SCNN1D: variants seen among roughly 807,000 people sequenced by gnomAD.
The protein encoded by SCNN1D is epithelial sodium channel subunit delta.
A neutral mutation model predicts 87.8 loss-of-function variants in SCNN1D; 104 were observed. The observed-to-expected ratio is 1.18, with a 90% CI of 1.01 to 1.39. The LOEUF is 1.39. SCNN1D is among the 40% of genes most tolerant of loss of function. The pLI is 0.00. For missense variants in SCNN1D, 1,324 were observed against 1,093.9 expected (o/e 1.21, Z -2.97); for synonymous variants, 628 against 481.2 (o/e 1.31, Z -3.99).
Position 1,284,044 on chromosome 1 carries a change from T to A in SCNN1D, c.418T>A (p.Trp140Arg). 7.5e-7 allele frequency: 1 copy of A among 1,335,216 alleles called. No individual in the cohort carries two copies. Among genetic ancestry groups the A allele is most frequent in the Non-Finnish European group, 9.5e-7 (1 of 1,048,482 alleles). 82.7% of individuals were successfully genotyped at this position (1,335,216 alleles called of 1,614,324 possible). A position where few individuals can be genotyped will look rare whatever the true frequency, so the allele number is the denominator to read the frequency against. Residue 140 changes from tryptophan to arginine, a missense_variant, in exon 5 of 18, where the codon TGG (tryptophan) becomes AGG (arginine). Coordinates refer to ENST00000379116, the MANE Select transcript of SCNN1D (RefSeq NM_001130413.4). ...LPPQWLSTEA[W>R]TGEWKQPHGG... ...CCCGCAATGGCTGAGCACCGAAGCATGGACGGGAGAATGGAAGCAGCCACA... is the reference window on the plus strand; with the variant it reads ...CCCGCAATGGCTGAGCACCGAAGCAAGGACGGGAGAATGGAAGCAGCCACA...
rs116610690 is a variant in SCNN1D at position 1,283,373 on chromosome 1, C to T, written c.352-605C>T. On this transcript the variant is annotated intron_variant, in intron 4 of 17. Transcript: ENST00000379116. ...GAGTGCTGGGAGCCCACCACGGCCC[C>T]GGATCTGAGTTCCAGGAGCTGGCAG... is the stretch of plus-strand genomic sequence containing the variant. 3.2e-3 allele frequency among the ~76,000 whole-genome samples: 492 copies of T among 152,218 alleles called. 1 individual carries two copies. Among genetic ancestry groups the T allele is most frequent in the African/African-American group, 0.011 (463 of 41,544 alleles).
chr1:1,287,987 G>C lies in SCNN1D; in HGVS notation c.1612G>C (p.Gly538Arg), dbSNP rs910431243. ...CCCCTACGGCCACTGCACCGCCGGC[G>C]GGGAAGGCGTGGAGGTGGAGCTGCT... The part of the protein sequence containing the change: ...GSPYGHCTAG[G>R]EGVEVELLHN... The change falls in exon 12 of 18, where the codon GGG becomes CGG. Residue 538 changes from glycine to arginine, a missense_variant. Coordinates refer to ENST00000379116, the MANE Select transcript of SCNN1D (RefSeq NM_001130413.4). 1.9e-5 allele frequency: 30 copies of C among 1,546,620 alleles called. No homozygotes were observed. The highest frequency in any genetic ancestry group is 2.4e-5 in the Non-Finnish European group (28 of 1,145,492).
intron 3 of SCNN1D, 102 bp from the exon 4 acceptor site, chr1:1,282,140 A>C: frequency 1.4e-6 from 1 of 717,484 alleles, no homozygotes; most frequent in South Asian, 1.7e-5. Flanking sequence ...GCGAGCTTGG[A>C]GAGGCACCCC....
Position 1,290,199 on chromosome 1 carries a change from G to A in SCNN1D, c.1663-72G>A, listed in dbSNP as rs1977348. On this transcript the variant is annotated intron_variant, in intron 12 of 17. Transcript: ENST00000379116. ...CTGCTCCGTCCCGTGTCCCTGCTCC[G>A]TCCCGTGTCTCTGCCCCGTCCCCCA... The A allele has an allele frequency of 7.1e-4, 665 of 938,732 alleles. 58 individuals are homozygous for A. Among genetic ancestry groups the A allele is most frequent in the African/African-American group, 7.1e-3 (270 of 38,222 alleles). 58.2% of individuals were successfully genotyped at this position (938,732 alleles called of 1,614,324 possible).
chr1:1,281,113 C>A, intron 1 of SCNN1D, 113 bp from the exon 2 acceptor site: 5 of 1,019,294 alleles, frequency 4.9e-6, no homozygotes, highest in South Asian at 2.9e-5. Flanking sequence ...CGTCCCAGGG[C>A]TGACTCAGAG....
intron 12 of SCNN1D, among the ~76,000 whole-genome samples, chr1:1,289,741 T>C (rs866364370): frequency 3.2e-3 from 3 of 928 alleles, no homozygotes; most frequent in Admixed American, 0.012. Flanking sequence ...GTGTCTCTGC[T>C]CCGTCCCCCG....
chr1:1,287,706 C>A lies in SCNN1D; in HGVS notation c.1433C>A (p.Pro478His), dbSNP rs1473115142. The A allele has an allele frequency of 6.2e-7, 1 of 1,610,664 alleles. No individual in the cohort carries two copies. The highest frequency in any genetic ancestry group is 2.2e-5 in the East Asian group (1 of 44,776). ...CTGGTCCTCAGGGTTGAGCAGCAGC[C>A]TCACCTCCCTCTGCTGTCCACGCTG... ...VGLVLRVEQQ[P>H]HLPLLSTLAG... Residue 478 changes from proline (P) to histidine (H), a missense_variant, in exon 11 of 18, where the codon CCT (proline) becomes CAT (histidine). Pro to His is a moderately conservative substitution (Grantham distance 77, BLOSUM62 -2). Coordinates refer to ENST00000379116, the MANE Select transcript of SCNN1D (RefSeq NM_001130413.4).
At position 1,280,613 on chromosome 1, in the gene SCNN1D, G is replaced by A; in HGVS notation, c.-49G>A. 1 of 698,444 alleles carries A rather than the reference G, an allele frequency of 1.4e-6. No individual in the cohort carries two copies. Among genetic ancestry groups the A allele is most frequent in the Non-Finnish European group, 2.6e-6 (1 of 382,778 alleles). 43.3% of individuals were successfully genotyped at this position (698,444 alleles called of 1,614,324 possible). A position where few individuals can be genotyped will look rare whatever the true frequency, so the allele number is the denominator to read the frequency against. On this transcript the variant is annotated 5_prime_UTR_variant, in exon 1 of 18. Transcript: ENST00000379116. Reference sequence around the variant, plus strand: ...TATAAATGCTTCTCATCAGACTCAAGGCCTGAGGTGATGCTGATGCTGTGC... The same window carrying A: ...TATAAATGCTTCTCATCAGACTCAAAGCCTGAGGTGATGCTGATGCTGTGC...
chr1:1,285,306 G>T (rs1194430807), intron 5 of SCNN1D, among the ~76,000 whole-genome samples: 1 of 152,230 alleles, frequency 6.6e-6, no homozygotes, highest in Non-Finnish European at 1.5e-5. Flanking sequence ...GCAGGCAGTG[G>T]CTGGGCTTCC....
intron 16 of SCNN1D, 45 bp from the exon 17 acceptor site, chr1:1,291,020 C>G (rs765648210): frequency 1.3e-6 from 2 of 1,596,634 alleles, no homozygotes; most frequent in Non-Finnish European, 8.6e-7. Context: ...CCCTCCCCAT[C>G]ATGAAGGTCT....
chr1:1,280,567 C>G lies in SCNN1D; in HGVS notation c.-95C>G, dbSNP rs1373527501. 7.5e-6 allele frequency: 5 copies of G among 669,832 alleles called. No homozygotes were observed. The highest frequency in any genetic ancestry group is 1.4e-5 in the Non-Finnish European group (5 of 360,610). The allele number at this position is 669,832 out of a possible 1,614,324, so 41.5% of individuals were successfully genotyped here. ...TATCGCAGATGAAGCCACCAGGTCA[C>G]AAGCCTCAGAGAGAATCAACTATAA... On this transcript the variant is annotated 5_prime_UTR_variant, in exon 1 of 18. Transcript: ENST00000379116.
At chr1:1,282,094 C>G in intron 3 of SCNN1D, 148 bp from the exon 4 acceptor site, 3 of 635,876 alleles carry the variant, frequency 4.7e-6, no homozygotes, top group Admixed American at 2.5e-5. Flanking sequence ...TGCCGCTGAC[C>G]TGTGGGGTCT....
chr1:1,281,414 C>T lies in SCNN1D; in HGVS notation c.81C>T (p.Leu27=), dbSNP rs1385171137. The T allele has an allele frequency of 8.5e-6, 13 of 1,522,238 alleles. No homozygotes were observed. Among genetic ancestry groups the T allele is most frequent in the Non-Finnish European group, 1.1e-5 (13 of 1,138,412 alleles). 94.3% of individuals were successfully genotyped at this position (1,522,238 alleles called of 1,614,324 possible). ...GCCCGTCCCTTCTCTCATTCAGGCT[C>T]ACCTGGTCATGGTGCAGTGACCACA... ...WPGHLSGPRR[L]TWSWCSDHRT... Residue 27 remains leucine (L), a synonymous_variant, in exon 3 of 18, where the codon CTC becomes CTT. Transcript: ENST00000379116.
At chr1:1,290,818 C>G in intron 15 of SCNN1D, 77 bp from the exon 16 acceptor site, 1 of 1,583,296 alleles carries the variant, frequency 6.3e-7, no homozygotes. Context: ...TGGTCTCTGC[C>G]CCCACATCCG....
intron 1 of SCNN1D, chr1:1,280,939 G>T (rs1640457860): frequency 1.7e-6 from 1 of 584,080 alleles, no homozygotes; most frequent in African/African-American, 1.9e-5. Context: ...GTTCTGCGGA[G>T]GCTCCACTGG....
rs781207929 is a variant in SCNN1D at position 1,291,380 on chromosome 1, C to T, written c.2179C>T (p.Arg727Cys). 10 of 1,608,438 alleles carry T rather than the reference C, an allele frequency of 6.2e-6. No individual in the cohort carries two copies. Among genetic ancestry groups the T allele is most frequent in the East Asian group, 2.2e-5 (1 of 44,832 alleles). ...ASALTLVLGG[R>C]RLRRAWFSWP... ...TGCCCTCACCCTGGTGCTAGGCGGC[C>T]GCCGGCTCCGCAGGGCGTGGTTCTC... Residue 727 changes from arginine to cysteine, a missense_variant, in exon 18 of 18, where the codon CGC (arginine) becomes TGC (cysteine). Arg to Cys is a radical substitution (Grantham distance 180, BLOSUM62 -3). Coordinates refer to ENST00000379116, the MANE Select transcript of SCNN1D (RefSeq NM_001130413.4).
intron 5 of SCNN1D, among the ~76,000 whole-genome samples, chr1:1,284,319 G>A (rs1640539148): frequency 8.3e-6 from 1 of 120,202 alleles, no homozygotes; most frequent in African/African-American, 3.1e-5. Flanking sequence ...GGGGGGTAGG[G>A]GTGGGGGGGT....
chr1:1,287,035 C>A, intron 8 of SCNN1D, 60 bp downstream of exon 8: 1 of 1,580,402 alleles, frequency 6.3e-7, no homozygotes, highest in Non-Finnish European at 8.6e-7. Context: ...CACGGCCCTG[C>A]GCTGCTGGTA....
chr1:1,291,135 T>TACTC lies in SCNN1D; in HGVS notation c.2048_2051dup (p.Val685LeufsTer82), dbSNP rs1451466107. On this transcript the variant is annotated frameshift_variant, in exon 17 of 18. Transcript: ENST00000379116. LOFTEE classifies it low-confidence loss of function (END_TRUNC). ...CCGCTCAGTGGAGGAGGCGCCCGTG[T>TACTC]ACTCGGTGAGCCTTGGCCCCCTGCC... is the stretch of plus-strand genomic sequence containing the variant. 1.9e-6 allele frequency: 3 copies of TACTC among 1,611,578 alleles called. No individual in the cohort carries two copies. The highest frequency in any genetic ancestry group is 2.5e-6 in the Non-Finnish European group (3 of 1,179,520).
Sources: allele counts gnomAD v4.1 joint callset (sites outside exome capture counted in the v4.1 genomes callset), GRCh38; gene constraint gnomAD v4.1.1; transcripts MANE v1.5; gene names NCBI Gene and HGNC (gene_info 2026-07-23, HGNC 2026-07-21).